Variants in TRUB1 observed in about 807,000 individuals in gnomAD.
TRUB1 encodes pseudouridylate synthase TRUB1.
TRUB1 carries 23 observed loss-of-function variants against 33.9 expected under a neutral mutation model. The ratio of observed to expected loss-of-function variants is 0.68; its 90% CI spans 0.49 to 0.96. TRUB1 has a LOEUF of 0.96. Among genes scored for constraint, TRUB1 ranks in the 40% least tolerant of loss-of-function variants. TRUB1 has a pLI of 0.00. For synonymous variants in TRUB1, 163 were observed against 165.4 expected, an observed-to-expected ratio of 0.99 and a Z score of 0.11; for missense variants, 378 against 422.2, an observed-to-expected ratio of 0.90 and a Z score of 0.92.
chr10:114,967,907 G>C (rs1414218840), intron 4 of TRUB1, among the ~76,000 whole-genome samples: 1 of 152,112 alleles, frequency 6.6e-6, no homozygotes, highest in Non-Finnish European at 1.5e-5. Context: ...TCAAACATCA[G>C]ATGGATGATT....
intron 4 of TRUB1, among the ~76,000 whole-genome samples, chr10:114,962,944 C>T (rs996253427): frequency 2.0e-5 from 3 of 152,216 alleles, no homozygotes; most frequent in Non-Finnish European, 4.4e-5. Context: ...CCTTCTGCTG[C>T]TGTCTTCTCA....
Position 114,959,767 on chromosome 10 carries a change from A to G in TRUB1, c.483A>G (p.Thr161=), listed in dbSNP as rs749084568. 4.3e-6 allele frequency: 7 copies of G among 1,609,486 alleles called. No homozygotes were observed. The East Asian group carries it at 6.7e-5, about 15-fold the overall frequency. Residue 161 remains threonine, a synonymous_variant, in exon 4 of 8, where the codon ACA becomes ACG. Coordinates refer to ENST00000298746, the MANE Select transcript of TRUB1 (RefSeq NM_139169.5). ...AIGELGKATD[T]LDSTGRVTEE... Reference sequence around the variant, plus strand: ...GAGAACTGGGGAAAGCTACTGATACACTAGATTCTACGGGGAGGGTAACAG... The same window carrying G: ...GAGAACTGGGGAAAGCTACTGATACGCTAGATTCTACGGGGAGGGTAACAG...
chr10:114,959,075 G>T (rs1443924586), intron 3 of TRUB1, among the ~76,000 whole-genome samples: 3 of 152,242 alleles, frequency 2.0e-5, no homozygotes, highest in Admixed American at 2.0e-4. Flanking sequence ...GACGGAGGTT[G>T]CAGTGAGCCG....
chr10:114,970,918 T>C (rs566596549), intron 5 of TRUB1, among the ~76,000 whole-genome samples: 7 of 152,224 alleles, frequency 4.6e-5, no homozygotes, highest in Non-Finnish European at 1.0e-4. Context: ...TTACAACTTA[T>C]TAAAAATACA....
At chr10:114,972,097 C>A in intron 5 of TRUB1, 38 bp from the exon 6 acceptor site, 1 of 1,608,564 alleles carries the variant, frequency 6.2e-7, no homozygotes, top group South Asian at 1.1e-5. Flanking sequence ...AATTCTTGCT[C>A]TCCTTTCCTT....
chr10:114,959,191 A>G (rs2084274665), intron 3 of TRUB1, among the ~76,000 whole-genome samples: 1 of 152,218 alleles, frequency 6.6e-6, no homozygotes, highest in African/African-American at 2.4e-5. Flanking sequence ...TTCTGTGACT[A>G]TACTGGTTTT....
Position 114,960,247 on chromosome 10 carries a change from T to C in TRUB1, c.523+440T>C, listed in dbSNP as rs151076005. Among the ~76,000 whole-genome samples the C allele has an allele frequency of 3.1e-3, 472 of 152,280 alleles. 6 individuals carry two copies. Among genetic ancestry groups the C allele is most frequent in the African/African-American group, 0.011 (464 of 41,552 alleles). The stretch of plus-strand genomic sequence containing the variant: ...TTGTCATGTTTTTGTGCTTTCGGAC[T>C]ATGTAAAAAGAGGACAGAGGGCAAG... On this transcript the variant is annotated intron_variant, in intron 4 of 7. Transcript: ENST00000298746.
intron 1 of TRUB1, among the ~76,000 whole-genome samples, chr10:114,941,040 C>T (rs1468351389): frequency 1.3e-5 from 2 of 152,296 alleles, no homozygotes; most frequent in Admixed American, 1.3e-4. Flanking sequence ...CTGGCTTCTG[C>T]ATTTCCACTG....
intron 4 of TRUB1, 50 bp downstream of exon 4, chr10:114,959,857 T>G: frequency 1.7e-6 from 2 of 1,151,388 alleles, no homozygotes; most frequent in Non-Finnish European, 2.6e-6. Context: ...TAGGAAAAGT[T>G]TCTGTGCAGG....
At chr10:114,963,282 G>T (rs2084291897) in intron 4 of TRUB1, among the ~76,000 whole-genome samples, 1 of 152,178 alleles carries the variant, frequency 6.6e-6, no homozygotes, top group South Asian at 2.1e-4. Context: ...TAATGGTACT[G>T]TCTCCTCTTG....
intron 1 of TRUB1, among the ~76,000 whole-genome samples, chr10:114,938,871 C>A (rs75107763): frequency 6.8e-4 from 103 of 152,264 alleles, no homozygotes; most frequent in African/African-American, 2.4e-3. Flanking sequence ...GGATGAACCC[C>A]AAAAGGAAGT....
intron 3 of TRUB1, among the ~76,000 whole-genome samples, chr10:114,959,454 C>T (rs1260541179): frequency 2.6e-5 from 4 of 152,090 alleles, no homozygotes; most frequent in Non-Finnish European, 5.9e-5. Context: ...AATTTGCTTA[C>T]AATAATAATG....
intron 3 of TRUB1, among the ~76,000 whole-genome samples, chr10:114,951,588 G>C (rs2084235451): frequency 6.6e-6 from 1 of 152,140 alleles, no homozygotes; most frequent in Non-Finnish European, 1.5e-5. Flanking sequence ...GCCTCTTTAA[G>C]ATGATAAAGT....
At chr10:114,970,698 T>G (rs2084332702) in intron 5 of TRUB1, among the ~76,000 whole-genome samples, 1 of 152,214 alleles carries the variant, frequency 6.6e-6, no homozygotes, top group South Asian at 2.1e-4. Flanking sequence ...TTGGCTTTTC[T>G]GATTCTATCA....
In TRUB1 at chr10:114,976,047, C is replaced by T. The variant is rs1320108710; in HGVS notation, c.*668C>T. The T allele has an allele frequency of 6.6e-6, 1 of 152,472 alleles. No individual in the cohort carries two copies. The highest frequency in any genetic ancestry group is 1.9e-4 in the East Asian group (1 of 5,188). 9.4% of individuals were successfully genotyped at this position (152,472 alleles called of 1,614,324 possible). ...ATACTTAATTAAAGTCACCTTCCTA[C>T]CATTAGAGCAGAAGACAGCTCCTAT... On this transcript the variant is annotated 3_prime_UTR_variant, in exon 8 of 8. Coordinates refer to ENST00000298746, the MANE Select transcript of TRUB1 (RefSeq NM_139169.5).
intron 4 of TRUB1, among the ~76,000 whole-genome samples, chr10:114,961,177 G>A (rs997242356): frequency 4.6e-5 from 7 of 152,068 alleles, no homozygotes; most frequent in Admixed American, 4.6e-4. Context: ...TATGAGGATT[G>A]ATTGGAGGAG....
intron 3 of TRUB1, among the ~76,000 whole-genome samples, chr10:114,952,458 A>AAGGTAGGT (rs71010003): frequency 4.0e-5 from 6 of 151,502 alleles, no homozygotes; most frequent in South Asian, 4.2e-4. Context: ...AATAATAAGT[A>AAGGTAGGT]AGGTAGGTAG....
intron 4 of TRUB1, among the ~76,000 whole-genome samples, chr10:114,968,152 G>A (rs1015639122): frequency 2.0e-5 from 3 of 152,146 alleles, no homozygotes; most frequent in Admixed American, 6.5e-5. Context: ...GTTAAAAAAT[G>A]TGTATGATTA....
rs762091284 is a variant in TRUB1 at position 114,974,408 on chromosome 10, A to G, written c.793+23A>G. ...AAGGTAAGCATAAAAATGAATTATG[A>G]ATTATCATTTAGAGAATAATACTCC... On this transcript the variant is annotated intron_variant, in intron 7 of 7. Transcript: ENST00000298746. 5.0e-6 allele frequency: 8 copies of G among 1,594,660 alleles called. No homozygotes were observed. In the Admixed American group the frequency reaches 5.0e-5, roughly 10 times the overall value.
Sources: gnomAD v4.1 joint callset for allele counts (sites outside exome capture counted in the v4.1 genomes callset) on GRCh38, gnomAD v4.1.1 for gene constraint, MANE v1.5 for transcripts, NCBI Gene and HGNC (gene_info 2026-07-23, HGNC 2026-07-21) for gene names.